CCDC171: variants seen among roughly 807,000 people sequenced by gnomAD.
CCDC171 encodes coiled-coil domain-containing protein 171.
CCDC171 carries 177 observed loss-of-function variants against 168.2 expected under a neutral mutation model. The observed-to-expected ratio is 1.05, with a 90% CI of 0.93 to 1.19. The LOEUF is 1.19. Among genes scored for constraint, CCDC171 ranks in the 50% most tolerant of loss-of-function variants. The pLI is 0.00. For missense variants in CCDC171, 1,991 were observed against 1,539.0 expected, an observed-to-expected ratio of 1.29 and a Z score of -4.91; for synonymous variants, 687 against 540.8, an observed-to-expected ratio of 1.27 and a Z score of -3.75.
intron 6 of CCDC171, among the ~76,000 whole-genome samples, chr9:15,618,000 G>C (rs919547693): frequency 1.1e-4 from 16 of 151,794 alleles, no homozygotes; most frequent in African/African-American, 3.9e-4. Context: ...ACCCACTTGA[G>C]GAGGCAGTCT....
chr9:15,644,802 C>T (rs1014535175), intron 7 of CCDC171, among the ~76,000 whole-genome samples: 4 of 152,244 alleles, frequency 2.6e-5, no homozygotes, highest in African/African-American at 9.6e-5. Context: ...CCTCTGTAGA[C>T]TCCACCTCTG....
At chr9:15,739,039 C>G (rs996775564) in intron 16 of CCDC171, among the ~76,000 whole-genome samples, 2 of 152,096 alleles carry the variant, frequency 1.3e-5, no homozygotes, top group Non-Finnish European at 2.9e-5. Context: ...TAGGAACTAG[C>G]AATCTTGTAT....
intron 6 of CCDC171, among the ~76,000 whole-genome samples, chr9:15,609,037 A>G (rs991912436): frequency 1.3e-4 from 19 of 149,114 alleles, no homozygotes; most frequent in South Asian, 6.4e-4. Flanking sequence ...TCCTTTTGCA[A>G]ACATCTTTTT....
At chr9:15,651,980 T>C (rs1246445376) in intron 7 of CCDC171, among the ~76,000 whole-genome samples, 1 of 152,138 alleles carries the variant, frequency 6.6e-6, no homozygotes, top group Non-Finnish European at 1.5e-5. Context: ...TGATCTCAGC[T>C]CACTGAAGTC....
chr9:15,564,249 T>C, intron 2 of CCDC171, 120 bp downstream of exon 2: 2 of 677,086 alleles, frequency 3.0e-6, no homozygotes, highest in South Asian at 2.1e-5. Context: ...GGAGTAGAAA[T>C]TCTGTGGGAC....
the CCDC171 span, among the ~76,000 whole-genome samples, chr9:16,091,964 G>A: frequency 6.6e-6 from 1 of 152,156 alleles, no homozygotes; most frequent in African/African-American, 2.4e-5. Context: ...CAGGCTCTGG[G>A]CTCAGCTTGT....
At chr9:15,995,629 A>G (rs1388540887) in intron 3 of CCDC171, among the ~76,000 whole-genome samples, 2 of 152,248 alleles carry the variant, frequency 1.3e-5, no homozygotes, top group African/African-American at 2.4e-5. Flanking sequence ...TCAGCACTAT[A>G]GACTTGTTCT....
chr9:15,880,546 A>T (rs2487757), intron 24 of CCDC171, among the ~76,000 whole-genome samples: 116,305 of 149,398 alleles, frequency 0.78, 45,998 homozygotes, highest in East Asian at 0.85. Flanking sequence ...AACCTCCCGC[A>T]ACCGGGTTCA....
intron 2 of CCDC171, 71 bp from the exon 3 acceptor site, chr9:15,571,553 A>G (rs2040222093): frequency 2.4e-6 from 3 of 1,276,158 alleles, no homozygotes; most frequent in Admixed American, 2.7e-5. Context: ...TAAGTTATCA[A>G]AAATATCAGA....
chr9:15,631,918 A>G (rs1363132389), intron 7 of CCDC171, among the ~76,000 whole-genome samples: 3 of 152,288 alleles, frequency 2.0e-5, no homozygotes, highest in South Asian at 2.1e-4. Context: ...AAAGACAAAA[A>G]CCACATGATT....
At chr9:15,910,803 T>G (rs903566914) in intron 24 of CCDC171, among the ~76,000 whole-genome samples, 3 of 152,146 alleles carry the variant, frequency 2.0e-5, no homozygotes, top group African/African-American at 7.2e-5. Flanking sequence ...GGTGTTTGGT[T>G]TTCTGTCCTT....
intron 21 of CCDC171, among the ~76,000 whole-genome samples, chr9:15,836,568 G>T (rs566648124): frequency 3.6e-4 from 55 of 152,220 alleles, no homozygotes; most frequent in South Asian, 8.3e-4. Flanking sequence ...AGCCAGGATG[G>T]TCTCGATCTC....
At chr9:15,902,868 G>A (rs1440333526) in intron 24 of CCDC171, among the ~76,000 whole-genome samples, 1 of 152,112 alleles carries the variant, frequency 6.6e-6, no homozygotes, top group Non-Finnish European at 1.5e-5. Flanking sequence ...TTAGCAAATG[G>A]CACACCAGGA....
chr9:15,800,719 T>C (rs1267649670), intron 21 of CCDC171, among the ~76,000 whole-genome samples: 1 of 152,174 alleles, frequency 6.6e-6, no homozygotes, highest in Non-Finnish European at 1.5e-5. Context: ...TCCCCAGTGT[T>C]TTCTTGTAGT....
At chr9:15,745,902 C>A (rs1044946217) in intron 18 of CCDC171, among the ~76,000 whole-genome samples, 4 of 151,970 alleles carry the variant, frequency 2.6e-5, no homozygotes, top group African/African-American at 9.7e-5. Flanking sequence ...AGCTCATCAT[C>A]AGCTTTTTAT....
the CCDC171 span, among the ~76,000 whole-genome samples, chr9:16,085,751 C>T: frequency 6.6e-6 from 1 of 152,144 alleles, no homozygotes; most frequent in Non-Finnish European, 1.5e-5. Context: ...TTTTTTCATT[C>T]TTCACTGCAT....
chr9:15,568,080 C>G (rs1008310312), intron 2 of CCDC171, among the ~76,000 whole-genome samples: 1 of 151,752 alleles, frequency 6.6e-6, no homozygotes, highest in African/African-American at 2.4e-5. Flanking sequence ...GTTTATTGAT[C>G]TTGTATTCTG....
chr9:15,607,872 T>TC (rs1489449013), intron 6 of CCDC171, among the ~76,000 whole-genome samples: 2 of 152,254 alleles, frequency 1.3e-5, no homozygotes, highest in Non-Finnish European at 2.9e-5. Context: ...ACTCATTACC[T>TC]GACTGCCTTG....
intron 11 of CCDC171, 40 bp from the exon 12 acceptor site, chr9:15,721,729 T>G (rs765159362): frequency 3.4e-6 from 4 of 1,184,166 alleles, no homozygotes; most frequent in Non-Finnish European, 4.6e-6. Context: ...TGTCCCTTTG[T>G]GACTTTAAGG....
Sources: allele counts gnomAD v4.1 joint callset (sites outside exome capture counted in the v4.1 genomes callset), GRCh38; gene constraint gnomAD v4.1.1; transcripts MANE v1.5; gene names NCBI Gene and HGNC (gene_info 2026-07-23, HGNC 2026-07-21).